LRP1B: variants seen among roughly 807,000 people sequenced by gnomAD.
The protein encoded by LRP1B is low-density lipoprotein receptor-related protein 1B.
Under a neutral mutation model 556.6 loss-of-function variants are expected in LRP1B, and 217 were observed. The observed-to-expected ratio is 0.39, with a 90% CI of 0.35 to 0.44. The LOEUF is 0.44. Ranked by LOEUF, LRP1B falls within the 20% of genes least tolerant of loss-of-function variation. The pLI, the probability that LRP1B is intolerant of heterozygous loss-of-function variation, is 1.00. For missense variants in LRP1B, 5,053 were observed against 5,620.8 expected, an observed-to-expected ratio of 0.90 and a Z score of 3.23; for synonymous variants, 2,047 against 1,865.8, an observed-to-expected ratio of 1.10 and a Z score of -2.50.
chr2:141,610,826 A>G (rs2105321887), intron 2 of LRP1B, among the ~76,000 whole-genome samples: 1 of 152,326 alleles, frequency 6.6e-6, no homozygotes, highest in Admixed American at 6.5e-5. Flanking sequence ...GCATTGAGAT[A>G]AGGAACACGC....
intron 1 of LRP1B, among the ~76,000 whole-genome samples, chr2:141,842,953 T>C (rs1188419165): frequency 6.6e-6 from 1 of 152,114 alleles, no homozygotes; most frequent in East Asian, 1.9e-4. Flanking sequence ...AAATATTTCA[T>C]ATCTAATGAA....
At chr2:141,714,517 G>A (rs952299398) in intron 2 of LRP1B, among the ~76,000 whole-genome samples, 11 of 147,958 alleles carry the variant, frequency 7.4e-5, no homozygotes, top group African/African-American at 2.7e-4. Context: ...CATATTAAAA[G>A]GTTCAAATGG....
chr2:140,738,588 C>T (rs1338603261), intron 35 of LRP1B, among the ~76,000 whole-genome samples: 1 of 152,060 alleles, frequency 6.6e-6, no homozygotes, highest in South Asian at 2.1e-4. Flanking sequence ...AATGCAGAAC[C>T]CCTTTGAATG....
At chr2:141,613,966 G>C (rs868165009) in intron 2 of LRP1B, among the ~76,000 whole-genome samples, 1 of 149,774 alleles carries the variant, frequency 6.7e-6, no homozygotes, top group African/African-American at 2.5e-5. Flanking sequence ...CCAGCTACTC[G>C]GGAGGCTGAG....
intron 7 of LRP1B, among the ~76,000 whole-genome samples, chr2:141,090,766 CT>C (rs1407042848): frequency 6.6e-6 from 1 of 152,072 alleles, no homozygotes; most frequent in Non-Finnish European, 1.5e-5. Flanking sequence ...TTCTCAGTCA[CT>C]TTTTTTAAAG....
At chr2:141,126,916 C>A (rs1200007913) in intron 7 of LRP1B, among the ~76,000 whole-genome samples, 1 of 152,026 alleles carries the variant, frequency 6.6e-6, no homozygotes, top group Non-Finnish European at 1.5e-5. Flanking sequence ...GCAGAACATA[C>A]AGGTTACATA....
chr2:141,069,259 C>T (rs1182927604), intron 7 of LRP1B, among the ~76,000 whole-genome samples: 1 of 152,010 alleles, frequency 6.6e-6, no homozygotes, highest in Non-Finnish European at 1.5e-5. Context: ...CTTTCATTTT[C>T]CATAATCTGA....
intron 3 of LRP1B, among the ~76,000 whole-genome samples, chr2:141,266,088 G>C (rs949051980): frequency 9.9e-5 from 15 of 152,116 alleles, no homozygotes; most frequent in African/African-American, 3.4e-4. Context: ...ACTTTGGGAG[G>C]CCGAGGCAGG....
chr2:141,201,367 C>T (rs1682007368), intron 6 of LRP1B, among the ~76,000 whole-genome samples: 1 of 152,118 alleles, frequency 6.6e-6, no homozygotes, highest in Non-Finnish European at 1.5e-5. Flanking sequence ...GGAGTGCTAT[C>T]TAGAGTGCTT....
chr2:140,518,094 G>A (rs1032059169), intron 49 of LRP1B, among the ~76,000 whole-genome samples: 1 of 152,056 alleles, frequency 6.6e-6, no homozygotes, highest in Admixed American at 6.6e-5. Flanking sequence ...TAGCCAAGCA[G>A]GAAGTAAACC....
Position 141,795,970 on chromosome 2 carries a change from G to T in LRP1B, c.205+14309C>A, listed in dbSNP as rs528898305. Among the ~76,000 whole-genome samples the T allele has an allele frequency of 3.4e-3, 484 of 143,594 alleles. 2 individuals are homozygous for T. The highest frequency in any genetic ancestry group is 5.5e-3 in the Non-Finnish European group (364 of 66,394). 94.2% of individuals were successfully genotyped at this position (143,594 alleles called of 152,430 possible). ...ATCACAAAGGATGCAACTCACAGTG[G>T]GTTGCAGAGGTTCAGTTTATTCATG... On this transcript the variant is annotated intron_variant, in intron 2 of 90. Coordinates refer to ENST00000389484, the MANE Select transcript of LRP1B (RefSeq NM_018557.3).
chr2:140,958,412 G>T (rs1011733005), intron 18 of LRP1B, among the ~76,000 whole-genome samples: 1 of 151,568 alleles, frequency 6.6e-6, no homozygotes, highest in African/African-American at 2.4e-5. Context: ...TGTAGTTTTG[G>T]AATTACAAAC....
chr2:141,047,174 C>G (rs1292644545), intron 11 of LRP1B, among the ~76,000 whole-genome samples: 2 of 152,018 alleles, frequency 1.3e-5, no homozygotes, highest in Non-Finnish European at 1.5e-5. Context: ...CTAAAACTGT[C>G]AGGACCCTAT....
At chr2:140,380,842 C>T (rs1190143126) in intron 67 of LRP1B, among the ~76,000 whole-genome samples, 1 of 152,052 alleles carries the variant, frequency 6.6e-6, no homozygotes, top group East Asian at 1.9e-4. Context: ...AAGCATTTGC[C>T]CAAGAGTTCC....
rs1694150845 is a variant in LRP1B, at chr2:140,903,109, T to C, written c.3577A>G (p.Arg1193Gly). ...CSNHCSVVPG[R>G]GIVCSCPEGL... ...TCAGGGCAGGAACAGACAATTCCTC[T>C]TCCAGGAACAACAGAACAGTGGTTG... The change falls in exon 23 of 91, where the codon AGA (arginine) becomes GGA (glycine). Residue 1193 changes from arginine (R) to glycine (G), a missense_variant. Physicochemically the swap from Arg to Gly is moderately radical, Grantham distance 125. Transcript: ENST00000389484. 1 of 1,613,574 alleles carries C rather than the reference T, an allele frequency of 6.2e-7. No homozygotes were observed.
intron 18 of LRP1B, among the ~76,000 whole-genome samples, chr2:140,963,340 T>C (rs910663276): frequency 6.6e-6 from 1 of 152,070 alleles, no homozygotes; most frequent in African/African-American, 2.4e-5. Context: ...AGAACATAAA[T>C]CTACAGTTAA....
In LRP1B at chr2:140,269,249, A is replaced by G. The variant is rs749588473; in HGVS notation, c.13247+993T>C. ...TGATGTCACACGAAGCGCAGCGATA[A>G]GTGGAAGTTTAAACCTACTTGCATC... On this transcript the variant is annotated intron_variant, in intron 86 of 90. Coordinates refer to ENST00000389484, the MANE Select transcript of LRP1B (RefSeq NM_018557.3). 1.3e-4 allele frequency: 62 copies of G among 470,424 alleles called. 1 individual carries two copies. Among genetic ancestry groups the G allele is most frequent in the South Asian group, 8.1e-4 (52 of 64,400 alleles). 29.1% of individuals were successfully genotyped at this position (470,424 alleles called of 1,614,324 possible).
chr2:140,615,240 C>A (rs1683215905), intron 41 of LRP1B, among the ~76,000 whole-genome samples: 1 of 152,098 alleles, frequency 6.6e-6, no homozygotes, highest in South Asian at 2.1e-4. Context: ...ACTAGTCTTG[C>A]AATCTCACCC....
intron 1 of LRP1B, among the ~76,000 whole-genome samples, chr2:142,068,849 T>C (rs1705204631): frequency 6.6e-6 from 1 of 151,658 alleles, no homozygotes; most frequent in African/African-American, 2.4e-5. Flanking sequence ...TATTTTTCTG[T>C]GATAATAATT....
Sources: allele counts gnomAD v4.1 joint callset (sites outside exome capture counted in the v4.1 genomes callset), GRCh38; gene constraint gnomAD v4.1.1; transcripts MANE v1.5; gene names NCBI Gene and HGNC (gene_info 2026-07-23, HGNC 2026-07-21).